The following ARFGEF1 variants were observed in gnomAD, a reference collection of about 807,000 sequenced individuals.
The protein encoded by ARFGEF1 is brefeldin A-inhibited guanine nucleotide-exchange protein 1.
A neutral mutation model predicts 231.0 loss-of-function variants in ARFGEF1; 42 were observed. The ratio of observed to expected loss-of-function variants is 0.18; its 90% CI spans 0.14 to 0.24. The LOEUF (loss-of-function observed/expected upper bound fraction) is 0.24. Among genes scored for constraint, ARFGEF1 ranks in the 10% least tolerant of loss-of-function variants. The pLI, the probability that ARFGEF1 is intolerant of heterozygous loss-of-function variation, is 1.00. For synonymous variants in ARFGEF1, 710 were observed against 732.3 expected (o/e 0.97, Z 0.49); for missense variants, 1,345 against 2,192.0 (o/e 0.61, Z 7.72).
intron 15 of ARFGEF1, 26 bp downstream of exon 15, chr8:67,259,789 G>T: frequency 1.4e-6 from 2 of 1,477,810 alleles, no homozygotes; most frequent in Admixed American, 2.0e-5. Flanking sequence ...TTACAGAAAA[G>T]GTTAGAATGA....
chr8:67,230,459 C>A (rs989227534), intron 23 of ARFGEF1, among the ~76,000 whole-genome samples: 4 of 152,052 alleles, frequency 2.6e-5, no homozygotes, highest in Non-Finnish European at 5.9e-5. Context: ...GTATGCAATA[C>A]ACAAGCAGCC....
intron 1 of ARFGEF1, among the ~76,000 whole-genome samples, chr8:67,310,873 C>T (rs979741158): frequency 1.3e-5 from 2 of 151,798 alleles, no homozygotes; most frequent in African/African-American, 4.8e-5. Context: ...GCTGCCCCGT[C>T]TGAGAAGTGA....
At chr8:67,293,977 T>C (rs2128910843) in intron 5 of ARFGEF1, among the ~76,000 whole-genome samples, 1 of 152,256 alleles carries the variant, frequency 6.6e-6, no homozygotes, top group East Asian at 1.9e-4. Context: ...CCATGGGTTC[T>C]ACATCAGTGG....
intron 22 of ARFGEF1, among the ~76,000 whole-genome samples, chr8:67,235,302 C>T (rs1839690856): frequency 6.6e-6 from 1 of 151,780 alleles, no homozygotes; most frequent in Admixed American, 6.6e-5. Context: ...AAGCACACAA[C>T]ACAAGAGAAT....
At chr8:67,229,994 T>C (rs1027158688) in intron 23 of ARFGEF1, among the ~76,000 whole-genome samples, 2 of 152,052 alleles carry the variant, frequency 1.3e-5, no homozygotes, top group Non-Finnish European at 2.9e-5. Flanking sequence ...GAGAGAGAAC[T>C]ATCATCAGCA....
intron 1 of ARFGEF1, among the ~76,000 whole-genome samples, chr8:67,312,602 A>T (rs974455468): frequency 6.6e-6 from 1 of 152,238 alleles, no homozygotes; most frequent in African/African-American, 2.4e-5. Flanking sequence ...CACAAAGGAA[A>T]TCAGAAGTTT....
intron 23 of ARFGEF1, among the ~76,000 whole-genome samples, chr8:67,231,992 G>A (rs1457281175): frequency 1.3e-5 from 2 of 151,726 alleles, no homozygotes. Context: ...AAAAACAACA[G>A]CAAGTAGACA....
chr8:67,191,239 G>A (rs1178575646), intron 5 of ARFGEF1, among the ~76,000 whole-genome samples: 2 of 152,204 alleles, frequency 1.3e-5, no homozygotes, highest in East Asian at 3.9e-4. Context: ...AGGCTTTGGA[G>A]TTTATGTCCC....
chr8:67,338,220 T>A (rs1421770538), intron 1 of ARFGEF1, among the ~76,000 whole-genome samples: 1 of 152,174 alleles, frequency 6.6e-6, no homozygotes, highest in East Asian at 1.9e-4. Flanking sequence ...CCCACACTAT[T>A]AACACATCTA....
intron 32 of ARFGEF1, 119 bp downstream of exon 32, chr8:67,217,663 G>T: frequency 9.1e-7 from 1 of 1,094,634 alleles, no homozygotes. Context: ...AGTAAGACAA[G>T]CTTAAAAGGA....
intron 1 of ARFGEF1, among the ~76,000 whole-genome samples, chr8:67,339,805 G>GGGGGGC (rs79194289): frequency 2.2e-5 from 2 of 92,762 alleles, no homozygotes; most frequent in African/African-American, 4.0e-5. Flanking sequence ...CGGGGGGGGG[G>GGGGGGC]ATTCTTTCTT....
chr8:67,310,102 C>G (rs571045497), intron 1 of ARFGEF1, among the ~76,000 whole-genome samples: 17 of 152,220 alleles, frequency 1.1e-4, no homozygotes, highest in African/African-American at 4.1e-4. Flanking sequence ...CTCTCCCTCT[C>G]CCTCTCCCTC....
At chr8:67,263,356 C>T (rs765814473) in intron 14 of ARFGEF1, among the ~76,000 whole-genome samples, 7 of 152,130 alleles carry the variant, frequency 4.6e-5, no homozygotes, top group Non-Finnish European at 1.0e-4. Flanking sequence ...TCTAATGCAC[C>T]CTTCAGGCTG....
At chr8:67,184,943 C>CA (rs796384901) in intron 5 of ARFGEF1, among the ~76,000 whole-genome samples, 1,764 of 55,844 alleles carry the variant, frequency 0.032, 8 homozygotes, top group East Asian at 0.07. Flanking sequence ...ACTAAAAATA[C>CA]AAAAAAAAAA....
At chr8:67,180,728 T>C (rs1428107997) in intron 5 of ARFGEF1, among the ~76,000 whole-genome samples, 1 of 152,192 alleles carries the variant, frequency 6.6e-6, no homozygotes, top group Non-Finnish European at 1.5e-5. Flanking sequence ...AAGGAATCTC[T>C]ACTATTTCTT....
chr8:67,192,809 GATTT>G (rs573630338), downstream of ARFGEF1, among the ~76,000 whole-genome samples: 376 of 152,262 alleles, frequency 2.5e-3, 2 homozygotes, highest in Non-Finnish European at 3.1e-3. Flanking sequence ...TAAACGTAAG[GATTT>G]ATTTCTATAT....
At position 67,261,760 on chromosome 8, in the gene ARFGEF1, C is replaced by G. The variant is rs1185165177; in HGVS notation, c.2124-1834G>C. The stretch of plus-strand genomic sequence containing the variant: ...GGCTCAAATGATCCTCCCACCTTGG[C>G]TTCCCAAAGCTGGGATTACAGGCAT... On this transcript the variant is annotated intron_variant, in intron 14 of 38. Transcript: ENST00000262215. Among the ~76,000 whole-genome samples, 4 of 151,958 alleles carry G rather than the reference C, an allele frequency of 2.6e-5. No homozygotes were observed. In the East Asian group the frequency reaches 7.7e-4, roughly 29 times the overall value.
At chr8:67,263,467 A>G (rs1198969728) in intron 14 of ARFGEF1, among the ~76,000 whole-genome samples, 2 of 152,206 alleles carry the variant, frequency 1.3e-5, no homozygotes, top group African/African-American at 4.8e-5. Context: ...GACAACAAAA[A>G]GTCCTTTACA....
rs1301632153 is a variant in ARFGEF1, at chr8:67,199,025, C to T, written c.5459G>A (p.Arg1820His). 5 of 1,612,530 alleles carry T rather than the reference C, an allele frequency of 3.1e-6. No homozygotes were observed. Among genetic ancestry groups the T allele is most frequent in the South Asian group, 1.1e-5 (1 of 90,502 alleles). ...CAGAAAAAATCTTCTAAGAACAGCA[C>T]GAAGTTCAGGAATCAAGTCAAATTG... ...IMQFDLIPEL[R>H]AVLRRFFLRI... The change falls in exon 39 of 39, where the codon CGT becomes CAT. Residue 1820 changes from arginine (R) to histidine (H), a missense_variant. Physicochemically the swap from Arg to His is conservative, Grantham distance 29. Transcript: ENST00000262215.
Sources: allele counts gnomAD v4.1 joint callset (sites outside exome capture counted in the v4.1 genomes callset), GRCh38; gene constraint gnomAD v4.1.1; transcripts MANE v1.5; gene names NCBI Gene and HGNC (gene_info 2026-07-23, HGNC 2026-07-21).